Variants in NEBL observed in about 807,000 individuals in gnomAD.
The protein encoded by NEBL is nebulette.
A neutral mutation model predicts 140.2 loss-of-function variants in NEBL; 122 were observed. That is an observed-to-expected ratio of 0.87 (90% CI 0.75 to 1.01). The LOEUF is 1.01. NEBL is among the 50% of genes least tolerant of loss of function. The pLI is 0.00. For missense variants in NEBL, 1,365 were observed against 1,231.3 expected, an observed-to-expected ratio of 1.11 and a Z score of -1.62; for synonymous variants, 436 against 398.9, an observed-to-expected ratio of 1.09 and a Z score of -1.11.
chr10:20,968,402 T>C (rs1320903146), intron 3 of NEBL, among the ~76,000 whole-genome samples: 1 of 151,306 alleles, frequency 6.6e-6, no homozygotes, highest in Admixed American at 6.6e-5. Flanking sequence ...TCCCAGCTAC[T>C]AGGGAAGCTG....
intron 2 of NEBL, among the ~76,000 whole-genome samples, chr10:20,896,639 C>A (rs966899557): frequency 1.3e-5 from 2 of 151,694 alleles, no homozygotes; most frequent in African/African-American, 4.8e-5. Flanking sequence ...TCATTATATT[C>A]ATTTTAAAAT....
chr10:21,008,335 A>G (rs1838213642), intron 3 of NEBL, among the ~76,000 whole-genome samples: 2 of 152,192 alleles, frequency 1.3e-5, no homozygotes, highest in Admixed American at 1.3e-4. Flanking sequence ...TTCGAGAAAG[A>G]GAGAGACCAC....
intron 2 of NEBL, among the ~76,000 whole-genome samples, chr10:21,112,085 A>C (rs1194716918): frequency 6.6e-6 from 1 of 152,230 alleles, no homozygotes; most frequent in Non-Finnish European, 1.5e-5. Flanking sequence ...AAAAGTCAGG[A>C]AACAACAGAT....
intron 2 of NEBL, among the ~76,000 whole-genome samples, chr10:21,072,565 CACACAGGAA>C (rs949277161): frequency 3.1e-4 from 47 of 152,346 alleles, no homozygotes; most frequent in African/African-American, 1.0e-3. Flanking sequence ...TGTCGGCTGC[CACACAGGAA>C]AAACAAAGGA....
At chr10:21,061,272 A>G (rs1564496965) in intron 2 of NEBL, among the ~76,000 whole-genome samples, 2 of 148,958 alleles carry the variant, frequency 1.3e-5, no homozygotes, top group Non-Finnish European at 3.0e-5. Context: ...GTAACATATT[A>G]CATATTATGT....
chr10:21,190,076 C>A (rs1299954542), intron 3 of NEBL, among the ~76,000 whole-genome samples: 1 of 152,186 alleles, frequency 6.6e-6, no homozygotes, highest in Admixed American at 6.5e-5. Flanking sequence ...ATTATAAATT[C>A]TTCAAGTGCT....
intron 3 of NEBL, among the ~76,000 whole-genome samples, chr10:21,198,866 G>A (rs963161394): frequency 6.6e-5 from 10 of 151,982 alleles, no homozygotes; most frequent in East Asian, 1.9e-4. Context: ...TCTCTTTCTC[G>A]GGAATTTTAC....
chr10:21,276,885 C>T (rs1270140897), intron 1 of NEBL, among the ~76,000 whole-genome samples: 4 of 152,012 alleles, frequency 2.6e-5, no homozygotes, highest in African/African-American at 9.7e-5. Context: ...ATGAGAATCA[C>T]GTGAACCTGA....
upstream of NEBL, among the ~76,000 whole-genome samples, chr10:20,898,974 C>A (rs1847716362): frequency 6.6e-6 from 1 of 152,170 alleles, no homozygotes; most frequent in Non-Finnish European, 1.5e-5. Flanking sequence ...ATCACATATC[C>A]TGTTCACCAA....
chr10:21,134,522 A>G (rs1001787045), intron 2 of NEBL, among the ~76,000 whole-genome samples: 10 of 152,178 alleles, frequency 6.6e-5, no homozygotes, highest in Admixed American at 3.3e-4. Flanking sequence ...GTAAACCCAC[A>G]TTATAAGCAA....
chr10:21,148,157 T>C (rs1376848911), intron 2 of NEBL, among the ~76,000 whole-genome samples: 1 of 152,166 alleles, frequency 6.6e-6, no homozygotes, highest in East Asian at 1.9e-4. Flanking sequence ...AAGACAAAGA[T>C]GTGTGGTGGG....
chr10:20,967,095 T>C (rs554834349), intron 3 of NEBL, among the ~76,000 whole-genome samples: 1 of 152,188 alleles, frequency 6.6e-6, no homozygotes, highest in Admixed American at 6.5e-5. Context: ...GCTCACCAGC[T>C]CTACACCAGA....
At chr10:20,941,101 C>T (rs1834832920) in intron 4 of NEBL, among the ~76,000 whole-genome samples, 1 of 152,188 alleles carries the variant, frequency 6.6e-6, no homozygotes. Context: ...CCAGCATCAT[C>T]CTGATACCAA....
chr10:20,950,173 G>C (rs1435441269), intron 4 of NEBL, among the ~76,000 whole-genome samples: 1 of 152,176 alleles, frequency 6.6e-6, no homozygotes, highest in Admixed American at 6.5e-5. Flanking sequence ...CAGGGCATCG[G>C]GGGTCATCTG....
chr10:20,989,903 C>T (rs1427959653), intron 3 of NEBL, among the ~76,000 whole-genome samples: 3 of 152,260 alleles, frequency 2.0e-5, no homozygotes, highest in East Asian at 3.9e-4. Flanking sequence ...TTTATTTTTA[C>T]TCACCTCTAA....
intron 2 of NEBL, among the ~76,000 whole-genome samples, chr10:20,891,376 T>A (rs919527981): frequency 6.6e-6 from 1 of 152,232 alleles, no homozygotes; most frequent in Non-Finnish European, 1.5e-5. Context: ...AAACTGTTAA[T>A]GGCAGTATGA....
chr10:21,028,955 C>T, intron 2 of NEBL: 1 of 542,196 alleles, frequency 1.8e-6, no homozygotes. Flanking sequence ...TAATATGAGA[C>T]AAAATGCTTT....
chr10:20,804,967 C>T (rs1033946105), intron 26 of NEBL, among the ~76,000 whole-genome samples: 1 of 152,108 alleles, frequency 6.6e-6, no homozygotes, highest in African/African-American at 2.4e-5. Context: ...GCAAACCAGT[C>T]AGGAGGCAAC....
chr10:21,116,571 A>G (rs1428986914), intron 2 of NEBL, among the ~76,000 whole-genome samples: 1 of 151,972 alleles, frequency 6.6e-6, no homozygotes, highest in East Asian at 1.9e-4. Flanking sequence ...TTGTCTAGTA[A>G]TTCTATCATC....
Sources: gnomAD v4.1 joint callset for allele counts (sites outside exome capture counted in the v4.1 genomes callset) on GRCh38, gnomAD v4.1.1 for gene constraint, MANE v1.5 for transcripts, NCBI Gene and HGNC (gene_info 2026-07-23, HGNC 2026-07-21) for gene names.